CCNI: variants seen among roughly 807,000 people sequenced by gnomAD.
CCNI encodes the protein cyclin I.
In CCNI, 14 loss-of-function variants were observed where a neutral mutation model predicts 34.1. The observed-to-expected ratio is 0.41, with a 90% confidence interval of 0.27 to 0.64. The LOEUF (loss-of-function observed/expected upper bound fraction) is 0.64, where lower values mean the gene tolerates loss of function less well. Ranked by LOEUF, CCNI falls within the 30% of genes least tolerant of loss-of-function variation. The probability of loss-of-function intolerance (pLI) is 0.31; values close to 1 mark genes in which losing one functional copy is unlikely to be tolerated. For missense variants in CCNI, 385 were observed against 440.5 expected, an observed-to-expected ratio of 0.87 and a Z score of 1.13; for synonymous variants, 154 against 158.4, an observed-to-expected ratio of 0.97 and a Z score of 0.21.
rs1016762628 is a variant in CCNI, at chr4:77,063,728, G to A, written c.114+2521C>T. Among the ~76,000 whole-genome samples, 7 of 151,234 alleles carry A rather than the reference G, an allele frequency of 4.6e-5. No individual in the cohort carries two copies. In the South Asian group the frequency reaches 1.3e-3, roughly 27 times the overall value. ...AAATAGAATAGAGAAGTGTCCCTGG[G>A]GGTTACCCTGGCAAGCAACTCAAGC... On this transcript the variant is annotated intron_variant, in intron 2 of 6. Coordinates refer to ENST00000237654, the MANE Select transcript of CCNI (RefSeq NM_006835.3).
intron 3 of CCNI, among the ~76,000 whole-genome samples, chr4:77,057,743 T>C (rs1001787396): frequency 2.6e-5 from 4 of 152,208 alleles, no homozygotes; most frequent in African/African-American, 9.6e-5. Flanking sequence ...AAAGTTGCTT[T>C]ATGACATCTT....
chr4:77,057,430 T>C (rs189842228), intron 3 of CCNI, among the ~76,000 whole-genome samples: 268 of 152,340 alleles, frequency 1.8e-3, no homozygotes, highest in Non-Finnish European at 2.1e-3. Flanking sequence ...TTAGTAAGTG[T>C]CTTAAGAGTA....
intron 1 of CCNI, among the ~76,000 whole-genome samples, chr4:77,068,860 A>G (rs1361465911): frequency 6.6e-6 from 1 of 152,038 alleles, no homozygotes; most frequent in South Asian, 2.1e-4. Flanking sequence ...TATGCTACCT[A>G]TTTGCTTCTC....
At chr4:77,059,081 C>T (rs1728428459) in intron 2 of CCNI, among the ~76,000 whole-genome samples, 1 of 151,968 alleles carries the variant, frequency 6.6e-6, no homozygotes, top group African/African-American at 2.4e-5. Flanking sequence ...AATGATAGCC[C>T]ATTTGAAAAA....
rs767602636 is a variant in CCNI at position 77,056,005 on chromosome 4, T to A, written c.416A>T (p.Asn139Ile). 6.2e-7 allele frequency: 1 copy of A among 1,613,498 alleles called. No individual in the cohort carries two copies. The highest frequency in any genetic ancestry group is 2.2e-5 in the East Asian group (1 of 44,830). ...TGGTGTGGCTGTGTGAAGATCCCAA[T>A]TCAACTTATCCAGAATAATTCTCTC... is the stretch of plus-strand genomic sequence containing the variant. ...RMERIILDKL[N>I]WDLHTATPLD... Residue 139 changes from asparagine (N) to isoleucine (I), a missense_variant, in exon 5 of 7, where the codon AAT becomes ATT. Coordinates refer to ENST00000237654, the MANE Select transcript of CCNI (RefSeq NM_006835.3).
At chr4:77,066,162 C>T (rs1560781561) in intron 2 of CCNI, 87 bp downstream of exon 2, 2 of 1,074,900 alleles carry the variant, frequency 1.9e-6, no homozygotes, top group Non-Finnish European at 2.8e-6. Context: ...ACACACTCCT[C>T]CAATGTAGTG....
intron 6 of CCNI, 59 bp from the exon 7 acceptor site, chr4:77,048,721 C>A: frequency 7.7e-7 from 1 of 1,305,992 alleles, no homozygotes; most frequent in East Asian, 2.5e-5. Flanking sequence ...ATAGGCTGCT[C>A]TGTTATCTCT....
chr4:77,068,050 C>T (rs1461880288), intron 1 of CCNI, among the ~76,000 whole-genome samples: 1 of 151,940 alleles, frequency 6.6e-6, no homozygotes, highest in Non-Finnish European at 1.5e-5. Context: ...TGGTGGCAGG[C>T]ACCTGTAATC....
At chr4:77,060,798 T>C (rs1728554486) in intron 2 of CCNI, among the ~76,000 whole-genome samples, 1 of 152,120 alleles carries the variant, frequency 6.6e-6, no homozygotes, top group Admixed American at 6.5e-5. Flanking sequence ...CTAATTTTTG[T>C]ATTTTTAGTA....
At chr4:77,075,208 G>A (rs1729814189) in intron 1 of CCNI, 2 of 152,076 alleles carry the variant, frequency 1.3e-5, no homozygotes, top group Non-Finnish European at 2.9e-5. Context: ...AAAGTTACTC[G>A]CTGACAGAAA....
chr4:77,070,882 T>C (rs1729416926), intron 1 of CCNI, among the ~76,000 whole-genome samples: 1 of 152,176 alleles, frequency 6.6e-6, no homozygotes, highest in Admixed American at 6.5e-5. Flanking sequence ...CAGATGACCA[T>C]CTGACAAGAG....
intron 6 of CCNI, among the ~76,000 whole-genome samples, chr4:77,053,905 T>C (rs1728039706): frequency 6.6e-6 from 1 of 152,166 alleles, no homozygotes; most frequent in Non-Finnish European, 1.5e-5. Flanking sequence ...TAGGATTTAT[T>C]CTCATTACAG....
intron 1 of CCNI, among the ~76,000 whole-genome samples, chr4:77,069,545 T>A (rs1169326715): frequency 6.6e-6 from 1 of 151,320 alleles, no homozygotes; most frequent in Admixed American, 6.6e-5. Flanking sequence ...ACCCATTAAC[T>A]CATCATTTAC....
intron 6 of CCNI, among the ~76,000 whole-genome samples, chr4:77,051,949 T>C (rs1727874078): frequency 1.4e-5 from 2 of 146,176 alleles, no homozygotes; most frequent in Non-Finnish European, 3.0e-5. Flanking sequence ...GGGGTCTGTT[T>C]TTTTGTTTTT....
chr4:77,056,628 C>T lies in CCNI; in HGVS notation c.244-305G>A, dbSNP rs781122171. ...TTTTTGAGACGGAGTCTTGGCCTGT[C>T]GCCCAGGCTGCAGTGCAGTGGCACG... On this transcript the variant is annotated intron_variant, in intron 3 of 6. Transcript: ENST00000237654. 6.9e-4 allele frequency: 156 copies of T among 227,486 alleles called. 1 individual carries two copies. Among genetic ancestry groups the T allele is most frequent in the Non-Finnish European group, 1.2e-3 (143 of 118,740 alleles). 14.1% of individuals were successfully genotyped at this position (227,486 alleles called of 1,614,324 possible). A position where few individuals can be genotyped will look rare whatever the true frequency, so the allele number is the denominator to read the frequency against.
At chr4:77,058,379 G>T in intron 3 of CCNI, 128 bp downstream of exon 3, 1 of 621,438 alleles carries the variant, frequency 1.6e-6, no homozygotes. Context: ...CTTCTTATGG[G>T]TACATACATC....
At chr4:77,051,580 C>G (rs1444076083) in intron 6 of CCNI, among the ~76,000 whole-genome samples, 1 of 152,108 alleles carries the variant, frequency 6.6e-6, no homozygotes, top group East Asian at 1.9e-4. Context: ...AGTCTTTTCT[C>G]CAAAATAACA....
At chr4:77,066,016 G>T in intron 2 of CCNI, 1 of 395,038 alleles carries the variant, frequency 2.5e-6, no homozygotes, top group South Asian at 2.9e-5. Context: ...TGAGAGGATT[G>T]CTTGAGCCCG....
intron 1 of CCNI, among the ~76,000 whole-genome samples, chr4:77,073,604 T>G (rs144852451): frequency 6.6e-6 from 1 of 152,324 alleles, no homozygotes; most frequent in East Asian, 1.9e-4. Context: ...CAATTCCAAG[T>G]GTATGCTCTT....
Sources: allele counts gnomAD v4.1 joint callset (sites outside exome capture counted in the v4.1 genomes callset), GRCh38; gene constraint gnomAD v4.1.1; transcripts MANE v1.5; gene names NCBI Gene and HGNC (gene_info 2026-07-23, HGNC 2026-07-21).